The following TF variants were observed in gnomAD, a reference collection of about 807,000 sequenced individuals.
The protein encoded by TF is serotransferrin.
In TF, 55 loss-of-function variants were observed where a neutral mutation model predicts 82.4. The observed-to-expected ratio is 0.67, with a 90% CI of 0.54 to 0.84. TF has a LOEUF of 0.84. TF is among the 40% of genes least tolerant of loss of function. The pLI, the probability that TF is intolerant of heterozygous loss-of-function variation, is 0.00. For synonymous variants in TF, 332 were observed against 332.6 expected (o/e 1.00, Z 0.02); for missense variants, 737 against 868.4 (o/e 0.85, Z 1.90).
In TF at chr3:133,757,801, C is replaced by A; in HGVS notation, c.903C>A (p.Phe301Leu). Residue 301 changes from phenylalanine to leucine, a missense_variant, in exon 8 of 17, where the codon TTC becomes TTA. Physicochemically the swap from Phe to Leu is conservative, Grantham distance 22. Coordinates refer to ENST00000402696, the MANE Select transcript of TF (RefSeq NM_001063.4). ...EHFGKDKSKE[F>L]QLFSSPHGKD... ...TTGGCAAAGACAAATCAAAAGAATTCCAACTATTCAGCTCTCCTCATGGGA... is the reference window on the plus strand; with the variant it reads ...TTGGCAAAGACAAATCAAAAGAATTACAACTATTCAGCTCTCCTCATGGGA... 6.2e-7 allele frequency: 1 copy of A among 1,614,232 alleles called. No homozygotes were observed. The highest frequency in any genetic ancestry group is 8.5e-7 in the Non-Finnish European group (1 of 1,180,048).
chr3:133,758,090 T>TAACGCCATTCAGCATCA, intron 8 of TF, 144 bp downstream of exon 8: 1 of 717,520 alleles, frequency 1.4e-6, no homozygotes, highest in South Asian at 1.9e-5. Flanking sequence ...AGTGTTAGAC[T>TAACGCCATTCAGCATCA]GATGCTGAAT....
rs1377295748 is a variant in TF, at chr3:133,789,895, T to G, written c.*11275T>G. 52 of 148,424 alleles carry G rather than the reference T, an allele frequency of 3.5e-4. No individual in the cohort carries two copies. The highest frequency in any genetic ancestry group is 1.2e-3 in the African/African-American group (47 of 40,136). 9.2% of individuals were successfully genotyped at this position (148,424 alleles called of 1,614,324 possible). ...CTCGTTTGCGTTTTTTTTTTTTTTTTTTTTTTTTTTTTTGACAAATGAGCA... is the reference window on the plus strand; with the variant it reads ...CTCGTTTGCGTTTTTTTTTTTTTTTGTTTTTTTTTTTTTGACAAATGAGCA... On this transcript the variant is annotated 3_prime_UTR_variant, in exon 17 of 17. Transcript: ENST00000402696.
intron 11 of TF, 82 bp from the exon 12 acceptor site, chr3:133,766,196 T>G: frequency 7.3e-7 from 1 of 1,365,904 alleles, no homozygotes; most frequent in Admixed American, 1.7e-5. Flanking sequence ...TATCTTTGCT[T>G]CCCTAGGGAA....
Position 133,755,512 on chromosome 3 carries a change from C to T in TF, c.635+17C>T, listed in dbSNP as rs1478818572. 6.2e-7 allele frequency: 1 copy of T among 1,613,762 alleles called. No individual in the cohort carries two copies. Among genetic ancestry groups the T allele is most frequent in the Non-Finnish European group, 8.5e-7 (1 of 1,180,040 alleles). ...AGCCTTCAAGTGAGTGAGATGTCTG[C>T]TGCTCCATGGTGGCCAAAGTGCCAA... is the stretch of plus-strand genomic sequence containing the variant. On this transcript the variant is annotated intron_variant, in intron 5 of 16. Coordinates refer to ENST00000402696, the MANE Select transcript of TF (RefSeq NM_001063.4).
the TF span, among the ~76,000 whole-genome samples, chr3:133,685,610 A>G: frequency 5.9e-5 from 9 of 152,342 alleles, no homozygotes; most frequent in African/African-American, 1.9e-4. Context: ...CAATTGCTTC[A>G]AAGAGAATAA....
chr3:133,685,457 C>A, the TF span, among the ~76,000 whole-genome samples: 1 of 152,128 alleles, frequency 6.6e-6, no homozygotes, highest in African/African-American at 2.4e-5. Flanking sequence ...AAAACCCCAT[C>A]GTCTCAGCCC....
the TF span, among the ~76,000 whole-genome samples, chr3:133,683,513 A>T: frequency 1.5e-3 from 222 of 152,334 alleles, 3 homozygotes; most frequent in African/African-American, 5.2e-3. Context: ...AAGATCTACC[A>T]AGCAAATGGG....
At chr3:133,748,218 G>A (rs947750989) in intron 1 of TF, 194 bp from the exon 2 acceptor site, 1 of 697,208 alleles carries the variant, frequency 1.4e-6, no homozygotes, top group Admixed American at 2.3e-5. Context: ...TAGGAAACTG[G>A]GAGGCCATTA....
the TF span, among the ~76,000 whole-genome samples, chr3:133,728,110 G>C: frequency 2.6e-5 from 4 of 152,092 alleles, no homozygotes; most frequent in Non-Finnish European, 5.9e-5. Flanking sequence ...TTCAACTTTG[G>C]TGAATCTGAC....
chr3:133,719,209 C>A, the TF span, among the ~76,000 whole-genome samples: 1 of 152,104 alleles, frequency 6.6e-6, no homozygotes. Context: ...TGCAAAATCA[C>A]CTTTCATGCT....
the TF span, among the ~76,000 whole-genome samples, chr3:133,719,761 GTTTA>G: frequency 7.9e-5 from 12 of 151,898 alleles, no homozygotes; most frequent in Non-Finnish European, 1.5e-4. Context: ...ATGTCTTCCC[GTTTA>G]TTTGTGTCCT....
the TF span, among the ~76,000 whole-genome samples, chr3:133,674,253 T>G: frequency 2.6e-5 from 4 of 152,284 alleles, no homozygotes; most frequent in African/African-American, 9.6e-5. Flanking sequence ...AACCTGCGTA[T>G]AGCAACTCAC....
intron 10 of TF, among the ~76,000 whole-genome samples, chr3:133,764,492 T>C (rs752071928): frequency 2.6e-5 from 4 of 152,186 alleles, no homozygotes; most frequent in Non-Finnish European, 5.9e-5. Context: ...GAAATGAAAG[T>C]TCTGCACTGG....
chr3:133,680,129 GT>G, the TF span, among the ~76,000 whole-genome samples: 1 of 152,024 alleles, frequency 6.6e-6, no homozygotes, highest in African/African-American at 2.4e-5. Flanking sequence ...ATGTTTCTAT[GT>G]GAAATTTTTC....
Position 133,778,577 on chromosome 3 carries a change from G to T in TF, c.2063-9G>T. On this transcript the variant is annotated splice_polypyrimidine_tract_variant and intron_variant, in intron 16 of 16. Transcript: ENST00000402696. Reference sequence around the variant, plus strand: ...TTTGAAAATCCTACCTCTCTGCTCTGCTCCACAGCACTCCTGGAAGCCTGC... The same window carrying T: ...TTTGAAAATCCTACCTCTCTGCTCTTCTCCACAGCACTCCTGGAAGCCTGC... 1 of 1,612,804 alleles carries T rather than the reference G, an allele frequency of 6.2e-7. No homozygotes were observed. Among genetic ancestry groups the T allele is most frequent in the Non-Finnish European group, 8.5e-7 (1 of 1,179,204 alleles).
chr3:133,766,577 G>C (rs1460292393), intron 12 of TF, 144 bp downstream of exon 12: 1 of 1,146,536 alleles, frequency 8.7e-7, no homozygotes, highest in Admixed American at 2.0e-5. Flanking sequence ...AGAATTTGCT[G>C]TCCTCAAGGA....
At chr3:133,726,058 C>G in the TF span, among the ~76,000 whole-genome samples, 1,002 of 152,264 alleles carry the variant, frequency 6.6e-3, 8 homozygotes, top group African/African-American at 0.022. Context: ...ATTCGGTTTG[C>G]CAGTATTTTA....
the TF span, among the ~76,000 whole-genome samples, chr3:133,733,269 G>T: frequency 2.0e-5 from 3 of 152,084 alleles, no homozygotes; most frequent in Non-Finnish European, 4.4e-5. Context: ...TGGGAGAGGG[G>T]CCTGTGGAGG....
At chr3:133,714,922 A>T in the TF span, among the ~76,000 whole-genome samples, 1 of 151,864 alleles carries the variant, frequency 6.6e-6, no homozygotes, top group Non-Finnish European at 1.5e-5. Context: ...ACCTCAGATG[A>T]TCCACCCGCC....
Sources: gnomAD v4.1 joint callset for allele counts (sites outside exome capture counted in the v4.1 genomes callset) on GRCh38, gnomAD v4.1.1 for gene constraint, MANE v1.5 for transcripts, NCBI Gene and HGNC (gene_info 2026-07-23, HGNC 2026-07-21) for gene names.